Variants in GAB1 observed in about 807,000 individuals in gnomAD.
The protein encoded by GAB1 is GRB2 associated binding protein 1, also known as GRB2-associated-binding protein 1.
GAB1 carries 19 observed loss-of-function variants against 66.5 expected under a neutral mutation model. That is an observed-to-expected ratio of 0.29 (90% CI 0.20 to 0.42). The LOEUF is 0.42. Ranked by LOEUF, GAB1 falls within the 10% of genes least tolerant of loss-of-function variation. The probability of loss-of-function intolerance (pLI) is 1.00; values close to 1 mark genes in which losing one functional copy is unlikely to be tolerated. For synonymous variants in GAB1, 294 were observed against 301.4 expected (o/e 0.98, Z 0.25); for missense variants, 732 against 858.5 (o/e 0.85, Z 1.84).
Position 143,474,215 on chromosome 4 carries a change from G to A in GAB1, c.*5026G>A, listed in dbSNP as rs938037942. On this transcript the variant is annotated 3_prime_UTR_variant, in exon 10 of 10. Transcript: ENST00000262994. ...CACCTACAGAAAATTAAGTTTCTAA[G>A]ATGTTTCTATACTTCATTAGAAAAG... 1.3e-5 allele frequency: 2 copies of A among 152,070 alleles called. No individual in the cohort carries two copies. The highest frequency in any genetic ancestry group is 1.3e-4 in the Admixed American group (2 of 15,248). 9.4% of individuals were successfully genotyped at this position (152,070 alleles called of 1,614,324 possible). A position where few individuals can be genotyped will look rare whatever the true frequency, so the allele number is the denominator to read the frequency against.
intron 1 of GAB1, among the ~76,000 whole-genome samples, chr4:143,374,529 G>A (rs1052249558): frequency 6.6e-6 from 1 of 152,322 alleles, no homozygotes; most frequent in East Asian, 1.9e-4. Context: ...TGTGTTCGGT[G>A]TGTATTTTAT....
intron 1 of GAB1, among the ~76,000 whole-genome samples, chr4:143,350,983 A>G (rs1729187784): frequency 6.6e-6 from 1 of 152,144 alleles, no homozygotes; most frequent in Non-Finnish European, 1.5e-5. Context: ...TCACTTCTTC[A>G]GGGCCCCACT....
intron 6 of GAB1, among the ~76,000 whole-genome samples, chr4:143,453,094 C>A (rs1362267264): frequency 2.6e-5 from 4 of 152,020 alleles, no homozygotes; most frequent in Admixed American, 2.6e-4. Context: ...ATTCTTTGGG[C>A]ATGATTTTCA....
Position 143,336,999 on chromosome 4 carries a change from G to A in GAB1, c.-190G>A. On this transcript the variant is annotated 5_prime_UTR_variant, in exon 1 of 10. In the 5' UTR this introduces an upstream ATG that the reference lacks. Coordinates refer to ENST00000262994, the MANE Select transcript of GAB1 (RefSeq NM_002039.4). ...CCCGGCTCGCGTTCTGTTCAGGTTC[G>A]TGGGCCTGCAGAGGAGAGACTCGAA... 1 of 568,290 alleles carries A rather than the reference G, an allele frequency of 1.8e-6. No homozygotes were observed. The highest frequency in any genetic ancestry group is 3.1e-6 in the Non-Finnish European group (1 of 319,922). The allele number at this position is 568,290 out of a possible 1,614,324, so 35.2% of individuals were successfully genotyped here.
chr4:143,352,702 A>C (rs1346065034), intron 1 of GAB1, among the ~76,000 whole-genome samples: 1 of 152,214 alleles, frequency 6.6e-6, no homozygotes, highest in Admixed American at 6.5e-5. Flanking sequence ...GATGGTCCTT[A>C]GGTTATTCTT....
chr4:143,405,232 G>T (rs1397527), intron 1 of GAB1, among the ~76,000 whole-genome samples: 82,446 of 151,330 alleles, frequency 0.54, 23,873 homozygotes, highest in African/African-American at 0.75. Context: ...TGGATATATA[G>T]AGAGAGAGAG....
At chr4:143,425,263 C>G in intron 2 of GAB1, 1 of 960,634 alleles carries the variant, frequency 1.0e-6, no homozygotes, top group South Asian at 1.3e-5. Context: ...GAAAACCCTG[C>G]AGATGTCAGT....
chr4:143,338,168 C>G (rs1728721204), intron 1 of GAB1, among the ~76,000 whole-genome samples: 1 of 152,182 alleles, frequency 6.6e-6, no homozygotes, highest in South Asian at 2.1e-4. Flanking sequence ...AACCTGTGTC[C>G]TCTTCAGAGG....
chr4:143,434,366 CTTTT>C (rs11389050), intron 3 of GAB1, among the ~76,000 whole-genome samples: 2 of 137,480 alleles, frequency 1.5e-5, no homozygotes. Flanking sequence ...TTTTATTTAT[CTTTT>C]TTTTTTTTTT....
intron 1 of GAB1, among the ~76,000 whole-genome samples, chr4:143,342,997 T>C (rs533466543): frequency 6.6e-6 from 1 of 152,266 alleles, no homozygotes; most frequent in Admixed American, 6.5e-5. Context: ...AAAATGTAAT[T>C]TGATGCACCC....
At chr4:143,397,943 G>C (rs746469356) in intron 1 of GAB1, among the ~76,000 whole-genome samples, 2 of 152,172 alleles carry the variant, frequency 1.3e-5, no homozygotes, top group Non-Finnish European at 2.9e-5. Flanking sequence ...TTGTCCAAAG[G>C]GAAAAGATAA....
intron 1 of GAB1, among the ~76,000 whole-genome samples, chr4:143,346,896 A>G (rs190249152): frequency 1.8e-4 from 28 of 152,360 alleles, no homozygotes; most frequent in African/African-American, 5.5e-4. Flanking sequence ...CTCCAAAGAA[A>G]AAGGCACACA....
In GAB1 at chr4:143,386,859, C is replaced by T. The variant is rs573462043; in HGVS notation, c.73-28618C>T. ...TTTGGATTTTCAGATTAGTAATACACAACATGTAGTTGCTGCAGAGATCAT... is the reference window on the plus strand; with the variant it reads ...TTTGGATTTTCAGATTAGTAATACATAACATGTAGTTGCTGCAGAGATCAT... On this transcript the variant is annotated intron_variant, in intron 1 of 9. Coordinates refer to ENST00000262994, the MANE Select transcript of GAB1 (RefSeq NM_002039.4). Among the ~76,000 whole-genome samples the T allele has an allele frequency of 2.0e-5, 3 of 152,308 alleles. No homozygotes were observed. The East Asian group carries it at 5.8e-4, about 29-fold the overall frequency.
intron 2 of GAB1, chr4:143,425,136 C>G: frequency 1.2e-6 from 1 of 820,584 alleles, no homozygotes; most frequent in South Asian, 1.3e-5. Flanking sequence ...TGGCACCAGT[C>G]TTGACTTCCA....
intron 1 of GAB1, among the ~76,000 whole-genome samples, chr4:143,385,291 C>G (rs1043893947): frequency 6.6e-6 from 1 of 152,194 alleles, no homozygotes; most frequent in Non-Finnish European, 1.5e-5. Context: ...GCCAAGTCAT[C>G]TGACCTCCCT....
rs942942667 is a variant in GAB1, at chr4:143,436,767, A to C, written c.594-1232A>C. Among the ~76,000 whole-genome samples the C allele has an allele frequency of 6.0e-4, 91 of 152,222 alleles. 1 individual carries two copies. The highest frequency in any genetic ancestry group is 2.1e-3 in the African/African-American group (88 of 41,464). ...AATGGATTTCTATTTGAGGCCCACA[A>C]GCAAGGTAATACTGGAGTAACCAAG... On this transcript the variant is annotated intron_variant, in intron 3 of 9. Coordinates refer to ENST00000262994, the MANE Select transcript of GAB1 (RefSeq NM_002039.4).
chr4:143,359,824 G>A (rs921469167), intron 1 of GAB1, among the ~76,000 whole-genome samples: 1 of 152,138 alleles, frequency 6.6e-6, no homozygotes, highest in African/African-American at 2.4e-5. Context: ...TGATGGTGAT[G>A]GTTTCTCCCT....
intron 1 of GAB1, among the ~76,000 whole-genome samples, chr4:143,407,015 C>T (rs1732082865): frequency 6.6e-6 from 1 of 152,116 alleles, no homozygotes. Context: ...TAATTGGGGT[C>T]CAAGGCAGAC....
intron 1 of GAB1, among the ~76,000 whole-genome samples, chr4:143,398,974 A>G (rs1731604640): frequency 6.6e-6 from 1 of 152,196 alleles, no homozygotes; most frequent in South Asian, 2.1e-4. Flanking sequence ...CTTTCTAGAT[A>G]GAAAGATCCC....
Sources: allele counts gnomAD v4.1 joint callset (sites outside exome capture counted in the v4.1 genomes callset), GRCh38; gene constraint gnomAD v4.1.1; transcripts MANE v1.5; gene names NCBI Gene and HGNC (gene_info 2026-07-23, HGNC 2026-07-21).